Variants in MRPS33 observed in about 807,000 individuals in gnomAD.
The protein encoded by MRPS33 is small ribosomal subunit protein mS33.
In MRPS33, 11 loss-of-function variants were observed where a neutral mutation model predicts 11.2. That is an observed-to-expected ratio of 0.99 (90% CI 0.62 to 1.63). MRPS33 has a LOEUF of 1.63. Ranked by LOEUF, MRPS33 falls within the 40% of genes most tolerant of loss-of-function variation. The probability of loss-of-function intolerance (pLI) is 0.00; values close to 1 mark genes in which losing one functional copy is unlikely to be tolerated. For synonymous variants in MRPS33, 46 were observed against 44.0 expected (o/e 1.05, Z -0.18); for missense variants, 109 against 127.8 (o/e 0.85, Z 0.71).
rs145023433 is a variant in MRPS33 at position 141,010,627 on chromosome 7, A to T, written c.7T>A (p.Ser3Thr). The T allele has an allele frequency of 5.0e-6, 8 of 1,614,134 alleles. No homozygotes were observed. The highest frequency in any genetic ancestry group is 6.8e-6 in the Non-Finnish European group (8 of 1,179,962). The change falls in exon 2 of 3, where the codon TCC becomes ACC. Residue 3 changes from serine (S) to threonine (T), a missense_variant. Physicochemically the swap from Ser to Thr is moderately conservative, Grantham distance 58. Transcript: ENST00000324787. ...ATGCGGAAGGCATATTCTGAAAGGGAGGACATTTCTTGAGTGGCAAGGAGT... is the reference window on the plus strand; with the variant it reads ...ATGCGGAAGGCATATTCTGAAAGGGTGGACATTTCTTGAGTGGCAAGGAGT... Reference protein sequence around the residue: MSSLSEYAFRMSR... With the variant: MSTLSEYAFRMSR...
At chr7:141,014,490 G>A (rs1279216803) in intron 1 of MRPS33, 3 of 152,222 alleles carry the variant, frequency 2.0e-5, no homozygotes, top group South Asian at 2.1e-4. Context: ...GTATTGTCAA[G>A]TCAACCGATG....
At chr7:141,010,795 G>A in intron 1 of MRPS33, 135 bp from the exon 2 acceptor site, 1 of 673,164 alleles carries the variant, frequency 1.5e-6, no homozygotes, top group Non-Finnish European at 2.5e-6. Flanking sequence ...GCCTTGGAGT[G>A]GAGAAGTATC....
At position 141,010,560 on chromosome 7, in the gene MRPS33, G is replaced by A. The variant is rs1278572264; in HGVS notation, c.74C>T (p.Pro25Leu). 6.2e-7 allele frequency: 1 copy of A among 1,614,186 alleles called. No homozygotes were observed. Residue 25 changes from proline (P) to leucine (L), a missense_variant, in exon 2 of 3, where the codon CCT becomes CTT. Physicochemically the swap from Pro to Leu is moderately conservative, Grantham distance 98. Transcript: ENST00000324787. The stretch of plus-strand genomic sequence containing the variant: ...CACTTTCATAGACTTGGAATTAGTA[G>A]GCCTGGTGACTTCACCAAATAGCCG... Reference protein sequence around the residue: ...SARLFGEVTRPTNSKSMKVVK... With the variant: ...SARLFGEVTRLTNSKSMKVVK...
At chr7:141,010,972 TGAA>T (rs1391234025) in intron 1 of MRPS33, among the ~76,000 whole-genome samples, 49 of 152,322 alleles carry the variant, frequency 3.2e-4, no homozygotes, top group African/African-American at 1.1e-3. Context: ...AGGCTGGGGA[TGAA>T]GAAGACAGGG....
chr7:141,005,116 T>C lies in MRPS33; in HGVS notation c.*1314A>G, dbSNP rs1357480324. 6.6e-6 allele frequency: 1 copy of C among 152,224 alleles called. No individual in the cohort carries two copies. Among genetic ancestry groups the C allele is most frequent in the African/African-American group, 2.4e-5 (1 of 41,456 alleles). 9.4% of individuals were successfully genotyped at this position (152,224 alleles called of 1,614,324 possible). On this transcript the variant is annotated 3_prime_UTR_variant, in exon 3 of 3. Transcript: ENST00000324787. ...AAACCAGCAGCGAGCTACTCAAATCTATACAACAGTCATCCCTCATAGAAC... is the reference window on the plus strand; with the variant it reads ...AAACCAGCAGCGAGCTACTCAAATCCATACAACAGTCATCCCTCATAGAAC...
At chr7:141,011,613 AT>A (rs1820675369) in intron 1 of MRPS33, among the ~76,000 whole-genome samples, 1 of 152,104 alleles carries the variant, frequency 6.6e-6, no homozygotes, top group South Asian at 2.1e-4. Flanking sequence ...TTTATGAGAA[AT>A]TTTAGTAGTG....
intron 1 of MRPS33, among the ~76,000 whole-genome samples, chr7:141,011,770 G>C (rs1297621675): frequency 6.6e-6 from 1 of 151,986 alleles, no homozygotes; most frequent in East Asian, 1.9e-4. Flanking sequence ...CATAAAAATG[G>C]TGCCAAGTGA....
Position 141,006,486 on chromosome 7 carries a change from GA to G in MRPS33, c.264del (p.Arg89ValfsTer67). 1.2e-6 allele frequency: 2 copies of G among 1,613,914 alleles called. No individual in the cohort carries two copies. The highest frequency in any genetic ancestry group is 1.7e-6 in the Non-Finnish European group (2 of 1,180,026). On this transcript the variant is annotated frameshift_variant, in exon 3 of 3. Transcript: ENST00000324787. LOFTEE classifies it high-confidence loss of function. ...CCTTTCTTTGGTTTCTCCTTTCCAC[GA>G]AGCTTCTTTAGTCGTTTTTGCTCAT... ...FMDEQKRLKKLRGKEKPKKGE... is the reference protein window; with the variant it reads ...FMDEQKRLKKXRGKEKPKKGE...
chr7:141,011,778 T>G (rs1684158905), intron 1 of MRPS33, among the ~76,000 whole-genome samples: 1 of 152,064 alleles, frequency 6.6e-6, no homozygotes, highest in Non-Finnish European at 1.5e-5. Context: ...TGGTGCCAAG[T>G]GAATTTCAAA....
At chr7:141,009,561 C>T (rs1820621687) in intron 2 of MRPS33, 1 of 152,090 alleles carries the variant, frequency 6.6e-6, no homozygotes, top group Non-Finnish European at 1.5e-5. Context: ...CAAACTACAG[C>T]TTATCTAGAC....
At chr7:141,011,030 C>T (rs1021813713) in intron 1 of MRPS33, among the ~76,000 whole-genome samples, 1 of 152,212 alleles carries the variant, frequency 6.6e-6, no homozygotes, top group African/African-American at 2.4e-5. Flanking sequence ...TCAGAAAACA[C>T]CCACCTAAGC....
rs56343833 is a variant in MRPS33, at chr7:141,012,173, CAAAA to C, written c.-27-1517_-27-1514del. ...TGAGTGACAGAGCAAGATTGTGTGT[CAAAA>C]AAAAAAAAAAAAAAAAAGCAGAGGC... On this transcript the variant is annotated intron_variant, in intron 1 of 2. Transcript: ENST00000324787. Among the ~76,000 whole-genome samples the C allele has an allele frequency of 4.4e-4, 26 of 58,774 alleles. 1 individual carries two copies. The highest frequency in any genetic ancestry group is 2.5e-3 in the South Asian group (3 of 1,212). The allele number at this position is 58,774 out of a possible 152,430, so 38.6% of individuals were successfully genotyped here.
chr7:141,008,028 A>T (rs1156870473), intron 2 of MRPS33, among the ~76,000 whole-genome samples: 3 of 152,162 alleles, frequency 2.0e-5, no homozygotes, highest in Non-Finnish European at 4.4e-5. Flanking sequence ...TACCTGGTTA[A>T]CTGAATGAAT....
Position 141,002,723 on chromosome 7 carries a change from T to C in MRPS33, c.*3707A>G, listed in dbSNP as rs1424235993. On this transcript the variant is annotated 3_prime_UTR_variant, in exon 3 of 3. Coordinates refer to ENST00000324787, the MANE Select transcript of MRPS33 (RefSeq NM_053035.3). ...ATGTTTATTTTGAAACACACACATATATGGTGCTTAAAAAATAAACTTATG... is the reference window on the plus strand; with the variant it reads ...ATGTTTATTTTGAAACACACACATACATGGTGCTTAAAAAATAAACTTATG... 1.8e-5 allele frequency: 3 copies of C among 169,612 alleles called. No homozygotes were observed. The highest frequency in any genetic ancestry group is 7.2e-5 in the African/African-American group (3 of 41,734). The allele number at this position is 169,612 out of a possible 1,614,324, so 10.5% of individuals were successfully genotyped here.
At position 141,005,183 on chromosome 7, in the gene MRPS33, C is replaced by G. The variant is rs1393405844; in HGVS notation, c.*1247G>C. On this transcript the variant is annotated 3_prime_UTR_variant, in exon 3 of 3. Transcript: ENST00000324787. ...GCTTTTCCACAGAATTTCCAAAGCC[C>G]TTCATGATCTGGCCTCTGTTTTCTT... The G allele has an allele frequency of 2.0e-5, 3 of 152,342 alleles. No homozygotes were observed. The highest frequency in any genetic ancestry group is 7.2e-5 in the African/African-American group (3 of 41,564). 9.4% of individuals were successfully genotyped at this position (152,342 alleles called of 1,614,324 possible). A position where few individuals can be genotyped will look rare whatever the true frequency, so the allele number is the denominator to read the frequency against.
At chr7:141,006,709 T>C (rs1820539875) in intron 2 of MRPS33, among the ~76,000 whole-genome samples, 174 bp from the exon 3 acceptor site, 1 of 152,218 alleles carries the variant, frequency 6.6e-6, no homozygotes. Context: ...AACACAGAGA[T>C]GCGGTGTATT....
chr7:141,013,439 A>G (rs1044920674), intron 1 of MRPS33, among the ~76,000 whole-genome samples: 8 of 152,250 alleles, frequency 5.3e-5, no homozygotes, highest in African/African-American at 1.7e-4. Flanking sequence ...ATCCCTTACT[A>G]GAAACAAAGG....
chr7:141,007,633 G>A (rs1211833396), intron 2 of MRPS33, among the ~76,000 whole-genome samples: 1 of 152,080 alleles, frequency 6.6e-6, no homozygotes, highest in Non-Finnish European at 1.5e-5. Context: ...GTACCTGCAC[G>A]CCTCCTGGAA....
At chr7:141,013,796 T>C (rs1052526841) in intron 1 of MRPS33, among the ~76,000 whole-genome samples, 3 of 152,382 alleles carry the variant, frequency 2.0e-5, no homozygotes, top group Non-Finnish European at 4.4e-5. Context: ...ATTTTTACTT[T>C]GGCATAACAG....
Sources: allele counts gnomAD v4.1 joint callset (sites outside exome capture counted in the v4.1 genomes callset), GRCh38; gene constraint gnomAD v4.1.1; transcripts MANE v1.5; gene names NCBI Gene and HGNC (gene_info 2026-07-23, HGNC 2026-07-21).